Variants in TAFA5 observed in about 807,000 individuals in gnomAD.
TAFA5 encodes chemokine-like protein TAFA-5.
Under a neutral mutation model 15.3 loss-of-function variants are expected in TAFA5, and 6 were observed. The ratio of observed to expected loss-of-function variants is 0.39; its 90% CI spans 0.21 to 0.77. The LOEUF (loss-of-function observed/expected upper bound fraction) is 0.77, where lower values mean the gene tolerates loss of function less well. TAFA5 is among the 30% of genes least tolerant of loss of function. The pLI is 0.41. For synonymous variants in TAFA5, 103 were observed against 80.7 expected (o/e 1.28, Z -1.48); for missense variants, 161 against 193.1 (o/e 0.83, Z 0.98).
chr22:48,613,360 T>C (rs1273825324), intron 1 of TAFA5, among the ~76,000 whole-genome samples: 2 of 152,158 alleles, frequency 1.3e-5, no homozygotes, highest in East Asian at 1.9e-4. Context: ...TCTCTGTTAA[T>C]GTGTGCAGAG....
At chr22:48,706,126 G>T (rs1253932521) in intron 2 of TAFA5, among the ~76,000 whole-genome samples, 2 of 152,192 alleles carry the variant, frequency 1.3e-5, no homozygotes, top group African/African-American at 4.8e-5. Flanking sequence ...GTGACAGAGA[G>T]GCCTTCCCTA....
chr22:48,629,919 C>G (rs1278446595), intron 1 of TAFA5, among the ~76,000 whole-genome samples: 1 of 152,212 alleles, frequency 6.6e-6, no homozygotes, highest in Non-Finnish European at 1.5e-5. Context: ...GAAATTGGAG[C>G]TGAGCTGGGG....
intron 2 of TAFA5, among the ~76,000 whole-genome samples, chr22:48,695,929 T>A (rs1206104814): frequency 1.3e-5 from 2 of 152,150 alleles, no homozygotes; most frequent in South Asian, 2.1e-4. Flanking sequence ...CACACAGCCA[T>A]CCTGCTGACC....
chr22:48,624,938 A>C (rs757035801), intron 1 of TAFA5, among the ~76,000 whole-genome samples: 1 of 152,072 alleles, frequency 6.6e-6, no homozygotes, highest in Non-Finnish European at 1.5e-5. Flanking sequence ...TGTCTCTACT[A>C]ACAATACAAA....
intron 1 of TAFA5, among the ~76,000 whole-genome samples, chr22:48,587,844 G>C (rs1181308616): frequency 6.6e-6 from 1 of 152,262 alleles, no homozygotes; most frequent in African/African-American, 2.4e-5. Context: ...CCTGGAGCTT[G>C]GAGGACTCAC....
chr22:48,594,222 G>A (rs941817305), intron 1 of TAFA5, among the ~76,000 whole-genome samples: 2 of 152,302 alleles, frequency 1.3e-5, no homozygotes, highest in Non-Finnish European at 1.5e-5. Flanking sequence ...GGGTGCAGGC[G>A]AGACCCAGCG....
intron 3 of TAFA5, among the ~76,000 whole-genome samples, chr22:48,714,565 T>C (rs132248): frequency 0.77 from 117,080 of 152,132 alleles, 45,381 homozygotes; most frequent in African/African-American, 0.86. Context: ...CTGGGCGGCG[T>C]TGGACCCTGC....
intron 1 of TAFA5, chr22:48,545,259 T>C: frequency 3.9e-6 from 1 of 257,776 alleles, no homozygotes; most frequent in Admixed American, 4.7e-5. Context: ...GTAAGGCCTC[T>C]GGTCTCGGAA....
chr22:48,602,483 G>C (rs1021876880), intron 1 of TAFA5, among the ~76,000 whole-genome samples: 2 of 152,192 alleles, frequency 1.3e-5, no homozygotes, highest in African/African-American at 4.8e-5. Context: ...ATCCGTGGAG[G>C]TGGGTCCATC....
chr22:48,705,127 G>A (rs1929038397), intron 2 of TAFA5, among the ~76,000 whole-genome samples: 2 of 152,176 alleles, frequency 1.3e-5, no homozygotes, highest in Non-Finnish European at 2.9e-5. Context: ...AAATCCAGGG[G>A]TGAGGCTGCA....
At chr22:48,580,030 GTTAATATTGAGAACTTT>G (rs2147145250) in intron 1 of TAFA5, among the ~76,000 whole-genome samples, 1 of 152,342 alleles carries the variant, frequency 6.6e-6, no homozygotes, top group South Asian at 2.1e-4. Flanking sequence ...TCTTTTGCAG[GTTAATATTGAGAACTTT>G]GCGTCCAGCG....
At chr22:48,507,963 A>T (rs1272415137) in intron 1 of TAFA5, among the ~76,000 whole-genome samples, 1 of 152,108 alleles carries the variant, frequency 6.6e-6, no homozygotes, top group East Asian at 1.9e-4. Flanking sequence ...TCATCTGTGC[A>T]GTGGGGAGAA....
intron 3 of TAFA5, among the ~76,000 whole-genome samples, chr22:48,718,063 TGGCCAGGGCAGGGCTGCTGC>T (rs1929454943): frequency 6.6e-6 from 1 of 152,146 alleles, no homozygotes; most frequent in African/African-American, 2.4e-5. Context: ...TGGCCTTGCA[TGGCCAGGGCAGGGCTGCTGC>T]GGACAGCAGG....
chr22:48,558,021 G>A (rs1334071475), intron 1 of TAFA5, among the ~76,000 whole-genome samples: 2 of 152,178 alleles, frequency 1.3e-5, no homozygotes, highest in Admixed American at 6.5e-5. Context: ...AGTCTGAGGG[G>A]GGAGTGGTCT....
rs869050468 is a variant in TAFA5 at position 48,571,271 on chromosome 22, CTTTTTTTTTTTTT to C, written c.113-75316_113-75304del. Among the ~76,000 whole-genome samples, 308 of 97,670 alleles carry C rather than the reference CTTTTTTTTTTTTT, an allele frequency of 3.2e-3. 1 individual carries two copies. The highest frequency in any genetic ancestry group is 0.011 in the African/African-American group (281 of 26,466). 64.1% of individuals were successfully genotyped at this position (97,670 alleles called of 152,430 possible). On this transcript the variant is annotated intron_variant, in intron 1 of 3. Coordinates refer to ENST00000402357, the MANE Select transcript of TAFA5 (RefSeq NM_001082967.3). ...AACATTTTTTTGTTGTTGTTGTTTGCTTTTTTTTTTTTTTTTTTTTTTGAGACAAAGTCTCGCT... is the reference window on the plus strand; with the variant it reads ...AACATTTTTTTGTTGTTGTTGTTTGCTTTTTTTTTGAGACAAAGTCTCGCT...
intron 2 of TAFA5, among the ~76,000 whole-genome samples, chr22:48,705,206 A>G (rs186552439): frequency 6.6e-6 from 1 of 152,002 alleles, no homozygotes; most frequent in African/African-American, 2.4e-5. Flanking sequence ...CGGCTGGTGG[A>G]CGCCTGCCTC....
In TAFA5 at chr22:48,707,859, G is replaced by A; in HGVS notation, c.390+15G>A. On this transcript the variant is annotated intron_variant, in intron 3 of 3. Transcript: ENST00000402357. ...AGACCACCACGGTATGTGGCCCTCG[G>A]CTTTCTCGTGGGTGTGCTGGGGAGG... The A allele has an allele frequency of 1.9e-6, 3 of 1,609,456 alleles. No individual in the cohort carries two copies. In the South Asian group the frequency reaches 3.3e-5, roughly 18 times the overall value.
intron 1 of TAFA5, among the ~76,000 whole-genome samples, chr22:48,506,144 T>C (rs1000350995): frequency 6.6e-6 from 1 of 152,196 alleles, no homozygotes; most frequent in Non-Finnish European, 1.5e-5. Context: ...CATGTGCCCC[T>C]GGGCTGCTGG....
At chr22:48,536,698 C>A (rs116746542) in intron 1 of TAFA5, among the ~76,000 whole-genome samples, 2 of 152,276 alleles carry the variant, frequency 1.3e-5, no homozygotes, top group Non-Finnish European at 2.9e-5. Flanking sequence ...TCCCTGTGCC[C>A]TGTGCTGCGG....
Sources: gnomAD v4.1 joint callset for allele counts (sites outside exome capture counted in the v4.1 genomes callset) on GRCh38, gnomAD v4.1.1 for gene constraint, MANE v1.5 for transcripts, NCBI Gene and HGNC (gene_info 2026-07-23, HGNC 2026-07-21) for gene names.